Variants in ADAM18 observed in about 807,000 individuals in gnomAD.
ADAM18 encodes ADAM metallopeptidase domain 18, also known as disintegrin and metalloproteinase domain-containing protein 18.
A neutral mutation model predicts 94.4 loss-of-function variants in ADAM18; 117 were observed. That is an observed-to-expected ratio of 1.24 (90% CI 1.07 to 1.45). The LOEUF (loss-of-function observed/expected upper bound fraction) is 1.45. Among genes scored for constraint, ADAM18 ranks in the 40% most tolerant of loss-of-function variants. The probability of loss-of-function intolerance (pLI) is 0.00; values close to 1 mark genes in which losing one functional copy is unlikely to be tolerated. For synonymous variants in ADAM18, 327 were observed against 291.6 expected (o/e 1.12, Z -1.24); for missense variants, 936 against 880.0 (o/e 1.06, Z -0.81).
chr8:39,628,575 T>C (rs1405685231), intron 6 of ADAM18, among the ~76,000 whole-genome samples: 1 of 152,090 alleles, frequency 6.6e-6, no homozygotes, highest in Non-Finnish European at 1.5e-5. Context: ...GCTTGTTTAC[T>C]TATTTTAACT....
intron 17 of ADAM18, among the ~76,000 whole-genome samples, chr8:39,706,254 T>C (rs905176158): frequency 2.6e-5 from 4 of 152,158 alleles, no homozygotes; most frequent in African/African-American, 9.6e-5. Context: ...TTTGCACGTA[T>C]GTTATTTTAT....
Position 39,584,684 on chromosome 8 carries a change from C to A in ADAM18, c.55+7C>A, listed in dbSNP as rs770932802. ...AGACTGCAAGCCCACGAAGGTAAGT[C>A]CATGGGAGCCTCCCCTTTCTTCTTC... On this transcript the variant is annotated splice_region_variant and intron_variant, in intron 1 of 19. Coordinates refer to ENST00000265707, the MANE Select transcript of ADAM18 (RefSeq NM_014237.3). 4 of 1,612,586 alleles carry A rather than the reference C, an allele frequency of 2.5e-6. No homozygotes were observed. In the East Asian group the frequency reaches 6.7e-5, roughly 27 times the overall value.
chr8:39,590,192 C>T (rs1051458814), intron 2 of ADAM18, among the ~76,000 whole-genome samples: 1 of 151,720 alleles, frequency 6.6e-6, no homozygotes, highest in Non-Finnish European at 1.5e-5. Context: ...ACCCGAATGT[C>T]CAACAATGAT....
chr8:39,703,736 A>T (rs528482385), intron 17 of ADAM18, among the ~76,000 whole-genome samples: 1 of 152,176 alleles, frequency 6.6e-6, no homozygotes, highest in East Asian at 1.9e-4. Flanking sequence ...GGAAATTGAG[A>T]CACACACAAA....
At chr8:39,586,802 A>ATCTATCTATATC (rs1343211357) in intron 2 of ADAM18, among the ~76,000 whole-genome samples, 10 of 130,916 alleles carry the variant, frequency 7.6e-5, no homozygotes, top group African/African-American at 2.5e-4. Context: ...CTATCTATCT[A>ATCTATCTATATC]TATCTATCTA....
chr8:39,684,556 G>A (rs1319569021), intron 16 of ADAM18, among the ~76,000 whole-genome samples: 1 of 152,072 alleles, frequency 6.6e-6, no homozygotes, highest in African/African-American at 2.4e-5. Context: ...GTGTGTCTGG[G>A]GCTCTCTTAG....
intron 18 of ADAM18, among the ~76,000 whole-genome samples, chr8:39,721,353 T>C (rs940871021): frequency 1.3e-5 from 2 of 151,440 alleles, no homozygotes; most frequent in African/African-American, 2.4e-5. Context: ...TATAGGCAAA[T>C]AATTTATGAC....
At chr8:39,688,210 G>T (rs1485282673) in intron 16 of ADAM18, among the ~76,000 whole-genome samples, 2 of 152,120 alleles carry the variant, frequency 1.3e-5, no homozygotes, top group Non-Finnish European at 2.9e-5. Flanking sequence ...TAGTGATGAT[G>T]AACTTTTTTT....
intron 12 of ADAM18, among the ~76,000 whole-genome samples, chr8:39,652,639 A>G (rs925085493): frequency 6.6e-6 from 1 of 152,170 alleles, no homozygotes; most frequent in African/African-American, 2.4e-5. Flanking sequence ...ATGGAGGTTC[A>G]TCAAAAACTT....
intron 14 of ADAM18, among the ~76,000 whole-genome samples, chr8:39,673,045 T>C (rs1821200343): frequency 6.6e-6 from 1 of 152,218 alleles, no homozygotes; most frequent in South Asian, 2.1e-4. Context: ...ATGTGTTTGA[T>C]GTCTGTAACC....
chr8:39,595,926 A>T (rs758544603), intron 2 of ADAM18, among the ~76,000 whole-genome samples: 6 of 152,112 alleles, frequency 3.9e-5, no homozygotes, highest in African/African-American at 1.4e-4. Flanking sequence ...TATTCCCAGG[A>T]TTTCTTAGCT....
intron 6 of ADAM18, among the ~76,000 whole-genome samples, chr8:39,615,575 T>G (rs1819412789): frequency 6.6e-6 from 1 of 152,154 alleles, no homozygotes; most frequent in Non-Finnish European, 1.5e-5. Context: ...TTCAAAATAA[T>G]GAGTCATCTA....
At chr8:39,605,711 T>A (rs1819059290) in intron 2 of ADAM18, 2 of 229,628 alleles carry the variant, frequency 8.7e-6, no homozygotes, top group South Asian at 1.1e-4. Context: ...TTTATTTTAT[T>A]TTATTTTTAT....
chr8:39,703,040 G>A (rs1368438363), intron 17 of ADAM18, among the ~76,000 whole-genome samples: 1 of 152,130 alleles, frequency 6.6e-6, no homozygotes. Flanking sequence ...TTAATTTAAC[G>A]GGAATAGCGT....
chr8:39,679,464 C>T (rs1563303683), intron 15 of ADAM18, among the ~76,000 whole-genome samples: 1 of 151,980 alleles, frequency 6.6e-6, no homozygotes, highest in African/African-American at 2.4e-5. Flanking sequence ...GATAAGATAA[C>T]CTTTGGTATG....
chr8:39,714,534 T>C (rs1822514609), intron 18 of ADAM18, among the ~76,000 whole-genome samples: 2 of 152,056 alleles, frequency 1.3e-5, no homozygotes, highest in Non-Finnish European at 2.9e-5. Flanking sequence ...ACCCTTTAAA[T>C]GTAAAGACAC....
intron 6 of ADAM18, among the ~76,000 whole-genome samples, chr8:39,625,279 T>C (rs1819729259): frequency 6.6e-6 from 1 of 152,166 alleles, no homozygotes; most frequent in Non-Finnish European, 1.5e-5. Flanking sequence ...TTAATTATTT[T>C]ATTTTATTTT....
At chr8:39,638,964 ATT>A (rs1318981666) in intron 10 of ADAM18, among the ~76,000 whole-genome samples, 1 of 151,890 alleles carries the variant, frequency 6.6e-6, no homozygotes, top group African/African-American at 2.4e-5. Context: ...AATAATATAT[ATT>A]GTTTTTAGAT....
intron 6 of ADAM18, chr8:39,611,385 G>A (rs1819267281): frequency 1.0e-6 from 1 of 957,646 alleles, no homozygotes; most frequent in Non-Finnish European, 1.2e-6. Flanking sequence ...GTCTGTAAAT[G>A]GATGTGTTTT....
Sources: allele counts gnomAD v4.1 joint callset (sites outside exome capture counted in the v4.1 genomes callset), GRCh38; gene constraint gnomAD v4.1.1; transcripts MANE v1.5; gene names NCBI Gene and HGNC (gene_info 2026-07-23, HGNC 2026-07-21).